ACOXL: variants seen among roughly 807,000 people sequenced by gnomAD.
ACOXL encodes the protein acyl-CoA oxidase like, also known as acyl-coenzyme A oxidase-like protein.
A neutral mutation model predicts 71.9 loss-of-function variants in ACOXL; 70 were observed. The observed-to-expected ratio is 0.97, with a 90% CI of 0.80 to 1.19. ACOXL has a LOEUF of 1.19. ACOXL is among the 50% of genes most tolerant of loss of function. The pLI, the probability that ACOXL is intolerant of heterozygous loss-of-function variation, is 0.00. For synonymous variants in ACOXL, 253 were observed against 281.6 expected (o/e 0.90, Z 1.02); for missense variants, 703 against 736.3 (o/e 0.95, Z 0.52).
intron 16 of ACOXL, among the ~76,000 whole-genome samples, chr2:111,074,645 A>C (rs2067510440): frequency 6.6e-6 from 1 of 151,956 alleles, no homozygotes; most frequent in Non-Finnish European, 1.5e-5. Flanking sequence ...CCCGTGCTGG[A>C]GTGCAGTGGT....
chr2:110,876,567 C>A (rs574630639), intron 10 of ACOXL, among the ~76,000 whole-genome samples: 1 of 152,212 alleles, frequency 6.6e-6, no homozygotes, highest in Non-Finnish European at 1.5e-5. Flanking sequence ...CCCAGGACCC[C>A]TGTCTTCTGT....
At chr2:111,079,915 A>C (rs1574695658) in intron 16 of ACOXL, among the ~76,000 whole-genome samples, 1 of 150,488 alleles carries the variant, frequency 6.6e-6, no homozygotes, top group Non-Finnish European at 1.5e-5. Flanking sequence ...AATTAATTCC[A>C]TTCAGGGATT....
At chr2:111,047,817 G>A (rs2149821389) in intron 15 of ACOXL, among the ~76,000 whole-genome samples, 1 of 152,354 alleles carries the variant, frequency 6.6e-6, no homozygotes, top group Non-Finnish European at 1.5e-5. Flanking sequence ...GCATGTGGAA[G>A]GCAACATTGA....
chr2:110,960,208 G>A (rs1055674471), intron 12 of ACOXL, among the ~76,000 whole-genome samples: 1 of 152,218 alleles, frequency 6.6e-6, no homozygotes, highest in Non-Finnish European at 1.5e-5. Flanking sequence ...CAAGCAGCCG[G>A]TGTGGCCAGA....
chr2:111,002,551 A>G (rs147939687), intron 14 of ACOXL, among the ~76,000 whole-genome samples: 1 of 152,352 alleles, frequency 6.6e-6, no homozygotes, highest in Non-Finnish European at 1.5e-5. Flanking sequence ...CCTTAACAGT[A>G]TGGCTTTCAG....
At chr2:110,789,127 C>CA (rs1684350467) in intron 3 of ACOXL, among the ~76,000 whole-genome samples, 1 of 152,182 alleles carries the variant, frequency 6.6e-6, no homozygotes, top group African/African-American at 2.4e-5. Context: ...CAAGTGCTGG[C>CA]AGGGCTGGGG....
intron 16 of ACOXL, among the ~76,000 whole-genome samples, chr2:111,087,333 C>G (rs1048748823): frequency 2.6e-5 from 4 of 152,020 alleles, no homozygotes; most frequent in Non-Finnish European, 5.9e-5. Context: ...AAAAAAGAGT[C>G]CAAATAGCCA....
intron 12 of ACOXL, among the ~76,000 whole-genome samples, chr2:110,962,522 A>T (rs1434928820): frequency 2.0e-5 from 3 of 152,242 alleles, no homozygotes; most frequent in Non-Finnish European, 4.4e-5. Context: ...GATGAGGGAA[A>T]GGTGGCCGGG....
At chr2:110,852,345 C>T (rs556054916) in intron 10 of ACOXL, among the ~76,000 whole-genome samples, 10 of 149,806 alleles carry the variant, frequency 6.7e-5, no homozygotes, top group Non-Finnish European at 1.2e-4. Context: ...GGTCAGGCTG[C>T]GCGTGGGGGC....
rs1389584346 is a variant in ACOXL at position 110,925,338 on chromosome 2, CA to C, written c.906-8149del. Among the ~76,000 whole-genome samples the C allele has an allele frequency of 4.6e-5, 7 of 152,294 alleles. No individual in the cohort carries two copies. In the East Asian group the frequency reaches 1.4e-3, roughly 29 times the overall value. ...TACTGATGAAAGTCCTAGATGAAAC[CA>C]AGGCTGTTTCACCTATGCTGAAAAT... On this transcript the variant is annotated intron_variant, in intron 11 of 17. Coordinates refer to ENST00000439055, the MANE Select transcript of ACOXL (RefSeq NM_001142807.4).
intron 16 of ACOXL, among the ~76,000 whole-genome samples, chr2:111,072,031 G>C (rs1015755531): frequency 1.3e-5 from 2 of 152,194 alleles, no homozygotes; most frequent in African/African-American, 2.4e-5. Context: ...AAGGGAAGGA[G>C]TAACTTTCAA....
intron 10 of ACOXL, among the ~76,000 whole-genome samples, chr2:110,852,700 G>T (rs1054116653): frequency 3.3e-5 from 5 of 152,190 alleles, no homozygotes; most frequent in Non-Finnish European, 4.4e-5. Flanking sequence ...AACCCTGTTC[G>T]CTGTGGCCAA....
chr2:110,751,536 A>G (rs950804805), intron 1 of ACOXL, among the ~76,000 whole-genome samples: 3 of 152,218 alleles, frequency 2.0e-5, no homozygotes, highest in African/African-American at 7.2e-5. Flanking sequence ...CAGTGTGCAT[A>G]CTGCTAAGAA....
At chr2:110,903,276 C>T (rs1297278664) in intron 10 of ACOXL, among the ~76,000 whole-genome samples, 3 of 152,230 alleles carry the variant, frequency 2.0e-5, no homozygotes, top group Admixed American at 1.3e-4. Context: ...GCAGTAGCTG[C>T]CTTGGTGATT....
chr2:110,995,090 T>A (rs1299868433), intron 13 of ACOXL, among the ~76,000 whole-genome samples: 1 of 151,570 alleles, frequency 6.6e-6, no homozygotes, highest in East Asian at 1.9e-4. Context: ...TAGATATATT[T>A]GATTATTAAT....
Position 110,933,631 on chromosome 2 carries a change from A to G in ACOXL, c.1048A>G (p.Thr350Ala), listed in dbSNP as rs367553833. The change falls in exon 12 of 18, where the codon ACT (threonine) becomes GCT (alanine). Residue 350 changes from threonine to alanine, a missense_variant. Physicochemically the swap from Thr to Ala is moderately conservative, Grantham distance 58. Coordinates refer to ENST00000439055, the MANE Select transcript of ACOXL (RefSeq NM_001142807.4). ...IRCLQDCRECTGGMVVGRELL... is the reference protein window; with the variant it reads ...IRCLQDCRECAGGMVVGRELL... ...CTGCCTGCAGGACTGCCGCGAGTGC[A>G]CTGGAGGCATGGTGAGCCCCAAGGC... is the stretch of plus-strand genomic sequence containing the variant. 2.0e-5 allele frequency: 33 copies of G among 1,611,272 alleles called. 1 individual carries two copies. The highest frequency in any genetic ancestry group is 4.0e-4 in the Middle Eastern group (2 of 5,032).
At chr2:110,891,030 A>T (rs11123229) in intron 10 of ACOXL, among the ~76,000 whole-genome samples, 50,262 of 151,924 alleles carry the variant, frequency 0.33, 8,480 homozygotes, top group Middle Eastern at 0.4. Context: ...TCTTTTACTT[A>T]GCAGCTATTA....
chr2:110,894,747 T>C (rs2058941242), intron 10 of ACOXL, among the ~76,000 whole-genome samples: 1 of 152,178 alleles, frequency 6.6e-6, no homozygotes, highest in Non-Finnish European at 1.5e-5. Flanking sequence ...GAACTGTCAC[T>C]GCTCTTCAGC....
In ACOXL at chr2:111,118,056, TG is replaced by T; in HGVS notation, c.*242del. The stretch of plus-strand genomic sequence containing the variant: ...TGTGCCCTTTCCCTGAAACCCAGCC[TG>T]GCCTGACTGCAACCTCTCCCAACTT... On this transcript the variant is annotated 3_prime_UTR_variant, in exon 18 of 18. Transcript: ENST00000439055. The T allele has an allele frequency of 1.7e-6, 1 of 586,916 alleles. No homozygotes were observed. The highest frequency in any genetic ancestry group is 3.0e-6 in the Non-Finnish European group (1 of 331,668). 36.4% of individuals were successfully genotyped at this position (586,916 alleles called of 1,614,324 possible). A position where few individuals can be genotyped will look rare whatever the true frequency, so the allele number is the denominator to read the frequency against.
Sources: gnomAD v4.1 joint callset for allele counts (sites outside exome capture counted in the v4.1 genomes callset) on GRCh38, gnomAD v4.1.1 for gene constraint, MANE v1.5 for transcripts, NCBI Gene and HGNC (gene_info 2026-07-23, HGNC 2026-07-21) for gene names.